The following USP17L1 variants were observed in gnomAD, a reference collection of about 807,000 sequenced individuals.
USP17L1 encodes the protein ubiquitin carboxyl-terminal hydrolase 17-like protein 1.
Under a neutral mutation model 31.4 loss-of-function variants are expected in USP17L1, and 42 were observed. The observed-to-expected ratio is 1.34, with a 90% CI of 1.05 to 1.73. The LOEUF is 1.73. Ranked by LOEUF, USP17L1 falls within the 40% of genes most tolerant of loss-of-function variation. USP17L1 has a pLI of 0.00. For missense variants in USP17L1, 576 were observed against 495.8 expected, an observed-to-expected ratio of 1.16 and a Z score of -1.54; for synonymous variants, 230 against 194.4, an observed-to-expected ratio of 1.18 and a Z score of -1.52.
Position 7,332,943 on chromosome 8 carries a change from A to G in USP17L1, c.557A>G (p.His186Arg), listed in dbSNP as rs763578356. The change falls in exon 1 of 1, where the codon CAC (histidine) becomes CGC (arginine). Residue 186 changes from histidine to arginine, a missense_variant. By Grantham distance (29) the His-to-Arg change is conservative. Transcript: ENST00000529559. ...CCCGGCCACAAGCAGGTAGATCATC[A>G]CTGCAAGGACACCACCCTCATCCAC... Reference protein sequence around the residue: ...CLPGHKQVDHHCKDTTLIHQI... With the variant: ...CLPGHKQVDHRCKDTTLIHQI... 1.9e-6 allele frequency: 3 copies of G among 1,563,734 alleles called. No homozygotes were observed. The highest frequency in any genetic ancestry group is 2.6e-6 in the Non-Finnish European group (3 of 1,170,692).
Position 7,332,748 on chromosome 8 carries a change from A to G in USP17L1, c.362A>G (p.Lys121Arg). ...REHSQTCQRPKCCMLCTMQAH... is the reference protein window; with the variant it reads ...REHSQTCQRPRCCMLCTMQAH... ...CACTCTCAAACATGTCAGCGTCCCA[A>G]GTGCTGCATGCTCTGTACTATGCAA... is the stretch of plus-strand genomic sequence containing the variant. Residue 121 changes from lysine to arginine, a missense_variant, in exon 1 of 1, where the codon AAG becomes AGG. Lys to Arg is a conservative substitution (Grantham distance 26). Coordinates refer to ENST00000529559, the MANE Select transcript of USP17L1 (RefSeq NM_001256873.1). 5 of 597,994 alleles carry G rather than the reference A, an allele frequency of 8.4e-6. No homozygotes were observed. The highest frequency in any genetic ancestry group is 1.6e-5 in the South Asian group (1 of 61,928). 37.0% of individuals were successfully genotyped at this position (597,994 alleles called of 1,614,324 possible).
Position 7,333,068 on chromosome 8 carries a change from C to A in USP17L1, c.682C>A (p.Gln228Lys), listed in dbSNP as rs1209252467. The change falls in exon 1 of 1, where the codon CAG becomes AAG. Residue 228 changes from glutamine to lysine, a missense_variant. Gln to Lys is a moderately conservative substitution (Grantham distance 53). Coordinates refer to ENST00000529559, the MANE Select transcript of USP17L1 (RefSeq NM_001256873.1). Reference protein sequence around the residue: ...DPYLDIALDIQAAQSVKQALE... With the variant: ...DPYLDIALDIKAAQSVKQALE... ...TTACCTGGACATCGCCCTGGATATCCAGGCAGCTCAGAGTGTCAAGCAAGC... is the reference window on the plus strand; with the variant it reads ...TTACCTGGACATCGCCCTGGATATCAAGGCAGCTCAGAGTGTCAAGCAAGC... The A allele has an allele frequency of 1.1e-6, 1 of 923,464 alleles. No homozygotes were observed. Among genetic ancestry groups the A allele is most frequent in the Non-Finnish European group, 1.6e-6 (1 of 625,182 alleles). 57.2% of individuals were successfully genotyped at this position (923,464 alleles called of 1,614,324 possible). A position where few individuals can be genotyped will look rare whatever the true frequency, so the allele number is the denominator to read the frequency against.
In USP17L1 at chr8:7,332,801, C is replaced by G; in HGVS notation, c.415C>G (p.Pro139Ala). The change falls in exon 1 of 1, where the codon CCT becomes GCT. Residue 139 changes from proline to alanine, a missense_variant. By Grantham distance (27) the Pro-to-Ala change is conservative. Transcript: ENST00000529559. Reference sequence around the variant, plus strand: ...TCACATCACATGGGCCCTCCACAGTCCTGGCCATGTCATCCAGCCCTCACA... The same window carrying G: ...TCACATCACATGGGCCCTCCACAGTGCTGGCCATGTCATCCAGCCCTCACA... ...QAHITWALHS[P>A]GHVIQPSQAL... 1.5e-6 allele frequency: 1 copy of G among 671,886 alleles called. No individual in the cohort carries two copies. Among genetic ancestry groups the G allele is most frequent in the Non-Finnish European group, 2.4e-6 (1 of 414,130 alleles). The allele number at this position is 671,886 out of a possible 1,614,324, so 41.6% of individuals were successfully genotyped here. A position where few individuals can be genotyped will look rare whatever the true frequency, so the allele number is the denominator to read the frequency against.
In USP17L1 at chr8:7,333,880, G is replaced by C. The variant is rs947843271; in HGVS notation, c.1494G>C (p.Glu498Asp). ...NLSSTTRTDQ[E>D]SMNTGTLASL... ...CTTCGACGACCCGGACAGATCAGGA[G>C]TCCATGAACACTGGCACACTCGCTT... The change falls in exon 1 of 1, where the codon GAG becomes GAC. Residue 498 changes from glutamate (E) to aspartate (D), a missense_variant. Physicochemically the swap from Glu to Asp is conservative, Grantham distance 45 (BLOSUM62 2). Transcript: ENST00000529559. 1 of 1,483,468 alleles carries C rather than the reference G, an allele frequency of 6.7e-7. No homozygotes were observed. The highest frequency in any genetic ancestry group is 9.2e-7 in the Non-Finnish European group (1 of 1,092,596). 91.9% of individuals were successfully genotyped at this position (1,483,468 alleles called of 1,614,324 possible).
At position 7,333,775 on chromosome 8, in the gene USP17L1, A is replaced by T. The variant is rs1344897500; in HGVS notation, c.1389A>T (p.Ala463=). The change falls in exon 1 of 1, where the codon GCA becomes GCT. Residue 463 remains alanine (A), a synonymous_variant. Transcript: ENST00000529559. ...GKVEGTLPPN[A]LVIHQSKYKC... ...TCGAAGGTACCCTGCCTCCCAACGC[A>T]CTTGTGATTCATCAATCAAAATACA... 3.3e-6 allele frequency: 5 copies of T among 1,497,334 alleles called. No homozygotes were observed. The highest frequency in any genetic ancestry group is 4.5e-6 in the Non-Finnish European group (5 of 1,102,632). 92.8% of individuals were successfully genotyped at this position (1,497,334 alleles called of 1,614,324 possible).
In USP17L1 at chr8:7,332,692, G is replaced by C. The variant is rs779393642; in HGVS notation, c.306G>C (p.Leu102=). ...NASLQCLTYT[L]PLANYMLSRE... ...CCCTGCAGTGCCTGACATACACACT[G>C]CCCCTTGCCAACTACATGCTGTCCC... Residue 102 remains leucine, a synonymous_variant, in exon 1 of 1, where the codon CTG becomes CTC. Coordinates refer to ENST00000529559, the MANE Select transcript of USP17L1 (RefSeq NM_001256873.1). 1.5e-4 allele frequency: 83 copies of C among 546,504 alleles called. 4 individuals carry two copies. The highest frequency in any genetic ancestry group is 1.3e-3 in the Middle Eastern group (3 of 2,384). The allele number at this position is 546,504 out of a possible 1,614,324, so 33.9% of individuals were successfully genotyped here.
In USP17L1 at chr8:7,333,804, G is replaced by A. The variant is rs1804237588; in HGVS notation, c.1418G>A (p.Cys473Tyr). Residue 473 changes from cysteine (C) to tyrosine (Y), a missense_variant, in exon 1 of 1, where the codon TGT becomes TAT. Cys to Tyr is a radical substitution (Grantham distance 194). Transcript: ENST00000529559. ...ALVIHQSKYK[C>Y]GMKNHHPEQQ... ...GTGATTCATCAATCAAAATACAAGT[G>A]TGGGATGAAAAACCATCATCCTGAA... is the stretch of plus-strand genomic sequence containing the variant. 1 of 1,461,178 alleles carries A rather than the reference G, an allele frequency of 6.8e-7. No homozygotes were observed. The highest frequency in any genetic ancestry group is 9.3e-7 in the Non-Finnish European group (1 of 1,073,992). The allele number at this position is 1,461,178 out of a possible 1,614,324, so 90.5% of individuals were successfully genotyped here. A position where few individuals can be genotyped will look rare whatever the true frequency, so the allele number is the denominator to read the frequency against.
At position 7,333,209 on chromosome 8, in the gene USP17L1, G is replaced by A. The variant is rs1158366931; in HGVS notation, c.823G>A (p.Val275Ile). 2 of 885,792 alleles carry A rather than the reference G, an allele frequency of 2.3e-6. No homozygotes were observed. Among genetic ancestry groups the A allele is most frequent in the Non-Finnish European group, 3.5e-6 (2 of 570,994 alleles). 54.9% of individuals were successfully genotyped at this position (885,792 alleles called of 1,614,324 possible). A position where few individuals can be genotyped will look rare whatever the true frequency, so the allele number is the denominator to read the frequency against. Residue 275 changes from valine (V) to isoleucine (I), a missense_variant, in exon 1 of 1, where the codon GTC becomes ATC. By Grantham distance (29) the Val-to-Ile change is conservative. Transcript: ENST00000529559. ...GTTAACTTTACACACTTCTGCCAAG[G>A]TCCTCATCCTTGTCTTGAAGAGATT... ...NTLTLHTSAK[V>I]LILVLKRFSD...
At position 7,333,372 on chromosome 8, in the gene USP17L1, G is replaced by C; in HGVS notation, c.986G>C (p.Ser329Thr). The change falls in exon 1 of 1, where the codon AGT (serine) becomes ACT (threonine). Residue 329 changes from serine (S) to threonine (T), a missense_variant. Transcript: ENST00000529559. ...GCTGTGCTGGTCCACGCTGGGTGGA[G>C]TTGTCACGACGGACATTACTTCTCC... Reference protein sequence around the residue: ...LYAVLVHAGWSCHDGHYFSYV... With the variant: ...LYAVLVHAGWTCHDGHYFSYV... 6.4e-7 allele frequency: 1 copy of C among 1,569,614 alleles called. No individual in the cohort carries two copies. The highest frequency in any genetic ancestry group is 8.6e-7 in the Non-Finnish European group (1 of 1,168,662).
chr8:7,332,814 T>A lies in USP17L1; in HGVS notation c.428T>A (p.Ile143Asn). The change falls in exon 1 of 1, where the codon ATC becomes AAC. Residue 143 changes from isoleucine to asparagine, a missense_variant. Ile to Asn is a moderately radical substitution (Grantham distance 149). Coordinates refer to ENST00000529559, the MANE Select transcript of USP17L1 (RefSeq NM_001256873.1). ...GCCCTCCACAGTCCTGGCCATGTCA[T>A]CCAGCCCTCACAGGCATTGGCTGCT... ...TWALHSPGHV[I>N]QPSQALAAGF... is the part of the protein sequence containing the mutation. 1.4e-6 allele frequency: 1 copy of A among 729,800 alleles called. No homozygotes were observed. The highest frequency in any genetic ancestry group is 2.2e-6 in the Non-Finnish European group (1 of 459,500). 45.2% of individuals were successfully genotyped at this position (729,800 alleles called of 1,614,324 possible). A position where few individuals can be genotyped will look rare whatever the true frequency, so the allele number is the denominator to read the frequency against.
At position 7,333,498 on chromosome 8, in the gene USP17L1, T is replaced by A; in HGVS notation, c.1112T>A (p.Phe371Tyr). 1.3e-6 allele frequency: 2 copies of A among 1,551,144 alleles called. 1 individual carries two copies. Among genetic ancestry groups the A allele is most frequent in the East Asian group, 4.5e-5 (2 of 44,236 alleles). ...SVLSQQAYVLFYIQKSEWERH... is the reference protein window; with the variant it reads ...SVLSQQAYVLYYIQKSEWERH... ...CTGAGTCAACAGGCCTATGTCCTCT[T>A]TTACATCCAGAAGAGTGAATGGGAA... is the stretch of plus-strand genomic sequence containing the variant. The change falls in exon 1 of 1, where the codon TTT (phenylalanine) becomes TAT (tyrosine). Residue 371 changes from phenylalanine (F) to tyrosine (Y), a missense_variant. Physicochemically the swap from Phe to Tyr is conservative, Grantham distance 22. Transcript: ENST00000529559.
At position 7,332,951 on chromosome 8, in the gene USP17L1, G is replaced by A. The variant is rs1804126111; in HGVS notation, c.565G>A (p.Asp189Asn). The change falls in exon 1 of 1, where the codon GAC (aspartate) becomes AAC (asparagine). Residue 189 changes from aspartate (D) to asparagine (N), a missense_variant. Transcript: ENST00000529559. Reference sequence around the variant, plus strand: ...CAAGCAGGTAGATCATCACTGCAAGGACACCACCCTCATCCACCAAATATT... The same window carrying A: ...CAAGCAGGTAGATCATCACTGCAAGAACACCACCCTCATCCACCAAATATT... The part of the protein sequence containing the change: ...GHKQVDHHCK[D>N]TTLIHQIFGG... The A allele has an allele frequency of 1.3e-6, 2 of 1,562,176 alleles. No homozygotes were observed. The highest frequency in any genetic ancestry group is 1.7e-6 in the Non-Finnish European group (2 of 1,169,646).
In USP17L1 at chr8:7,333,625, C is replaced by T. The variant is rs759127927; in HGVS notation, c.1239C>T (p.Pro413=). The T allele has an allele frequency of 6.8e-5, 99 of 1,454,080 alleles. 9 individuals are homozygous for T. The East Asian group carries it at 8.3e-4, about 12-fold the overall frequency. 90.1% of individuals were successfully genotyped at this position (1,454,080 alleles called of 1,614,324 possible). The change falls in exon 1 of 1, where the codon CCC becomes CCT. Residue 413 remains proline, a synonymous_variant. Transcript: ENST00000529559. ...AKQGELKRDH[P]CLQAPELDEH... ...AAGGAGAGCTCAAGAGAGACCACCC[C>T]TGCCTCCAGGCACCCGAGTTGGACG...
Position 7,333,660 on chromosome 8 carries a change from T to C in USP17L1, c.1274T>C (p.Val425Ala), listed in dbSNP as rs1471630966. ...GCACCCGAGTTGGACGAGCACTTGG[T>C]GGAAAGAGCCACTCAGGAAAGCACC... Reference protein sequence around the residue: ...LQAPELDEHLVERATQESTLD... With the variant: ...LQAPELDEHLAERATQESTLD... The change falls in exon 1 of 1, where the codon GTG (valine) becomes GCG (alanine). Residue 425 changes from valine (V) to alanine (A), a missense_variant. Val to Ala is a moderately conservative substitution (Grantham distance 64). Transcript: ENST00000529559. The C allele has an allele frequency of 1.9e-6, 3 of 1,566,302 alleles. No individual in the cohort carries two copies. Among genetic ancestry groups the C allele is most frequent in the Non-Finnish European group, 1.7e-6 (2 of 1,160,890 alleles).
Position 7,333,044 on chromosome 8 carries a change from T to A in USP17L1, c.658T>A (p.Tyr220Asn), listed in dbSNP as rs1321362661. 1 of 1,071,334 alleles carries A rather than the reference T, an allele frequency of 9.3e-7. No individual in the cohort carries two copies. The highest frequency in any genetic ancestry group is 1.3e-6 in the Non-Finnish European group (1 of 752,304). The allele number at this position is 1,071,334 out of a possible 1,614,324, so 66.4% of individuals were successfully genotyped here. A position where few individuals can be genotyped will look rare whatever the true frequency, so the allele number is the denominator to read the frequency against. ...CGGGATTTCAGACACTTTTGACCCT[T>A]ACCTGGACATCGCCCTGGATATCCA... ...CHGISDTFDP[Y>N]LDIALDIQAA... The change falls in exon 1 of 1, where the codon TAC becomes AAC. Residue 220 changes from tyrosine (Y) to asparagine (N), a missense_variant. By Grantham distance (143) the Tyr-to-Asn change is moderately radical. Transcript: ENST00000529559.
At position 7,333,361 on chromosome 8, in the gene USP17L1, C is replaced by A. The variant is rs564949503; in HGVS notation, c.975C>A (p.His325Gln). ...ATGTCCTCTATGCTGTGCTGGTCCA[C>A]GCTGGGTGGAGTTGTCACGACGGAC... The part of the protein sequence containing the change: ...LVYVLYAVLV[H>Q]AGWSCHDGHY... Residue 325 changes from histidine to glutamine, a missense_variant, in exon 1 of 1, where the codon CAC becomes CAA. Physicochemically the swap from His to Gln is conservative, Grantham distance 24 (BLOSUM62 0). Coordinates refer to ENST00000529559, the MANE Select transcript of USP17L1 (RefSeq NM_001256873.1). The A allele has an allele frequency of 6.4e-7, 1 of 1,565,280 alleles. No individual in the cohort carries two copies. The highest frequency in any genetic ancestry group is 8.6e-7 in the Non-Finnish European group (1 of 1,165,550).
At position 7,332,740 on chromosome 8, in the gene USP17L1, G is replaced by C. The variant is rs777073604; in HGVS notation, c.354G>C (p.Gln118His). ...MLSREHSQTC[Q>H]RPKCCMLCTM... ...CCCGGGAGCACTCTCAAACATGTCA[G>C]CGTCCCAAGTGCTGCATGCTCTGTA... Residue 118 changes from glutamine (Q) to histidine (H), a missense_variant, in exon 1 of 1, where the codon CAG becomes CAC. Transcript: ENST00000529559. The C allele has an allele frequency of 1.3e-4, 77 of 587,940 alleles. 2 individuals carry two copies. Among genetic ancestry groups the C allele is most frequent in the South Asian group, 9.4e-4 (57 of 60,382 alleles). 36.4% of individuals were successfully genotyped at this position (587,940 alleles called of 1,614,324 possible).
rs748873428 is a variant in USP17L1 at position 7,333,734 on chromosome 8, T to G, written c.1348T>G (p.Phe450Val). 86 of 1,584,510 alleles carry G rather than the reference T, an allele frequency of 5.4e-5. 8 individuals carry two copies. Among genetic ancestry groups the G allele is most frequent in the Non-Finnish European group, 7.3e-5 (86 of 1,175,320 alleles). The change falls in exon 1 of 1, where the codon TTC becomes GTC. Residue 450 changes from phenylalanine to valine, a missense_variant. Phe to Val is a conservative substitution (Grantham distance 50). Coordinates refer to ENST00000529559, the MANE Select transcript of USP17L1 (RefSeq NM_001256873.1). ...AGAGCAAAACAAAACGAAGCCTGAG[T>G]TCAACGTCGGAAAAGTCGAAGGTAC... ...LQEQNKTKPE[F>V]NVGKVEGTLP...
rs1472188900 is a variant in USP17L1 at position 7,332,960 on chromosome 8, C to A, written c.574C>A (p.Leu192Ile). The A allele has an allele frequency of 2.7e-5, 42 of 1,558,920 alleles. 4 individuals are homozygous for A. Among genetic ancestry groups the A allele is most frequent in the Non-Finnish European group, 3.4e-5 (40 of 1,167,778 alleles). ...AGATCATCACTGCAAGGACACCACC[C>A]TCATCCACCAAATATTTGGAGGCTG... ...QVDHHCKDTT[L>I]IHQIFGGCWR... Residue 192 changes from leucine (L) to isoleucine (I), a missense_variant, in exon 1 of 1, where the codon CTC becomes ATC. Leu to Ile is a conservative substitution (Grantham distance 5). Coordinates refer to ENST00000529559, the MANE Select transcript of USP17L1 (RefSeq NM_001256873.1).
Sources: allele counts gnomAD v4.1 joint callset, GRCh38; gene constraint gnomAD v4.1.1; transcripts MANE v1.5; gene names NCBI Gene and HGNC (gene_info 2026-07-23, HGNC 2026-07-21).